AUP1: variants seen among roughly 807,000 people sequenced by gnomAD.
AUP1 encodes lipid droplet-regulating VLDL assembly factor AUP1.
Under a neutral mutation model 51.8 loss-of-function variants are expected in AUP1, and 30 were observed. That is an observed-to-expected ratio of 0.58 (90% CI 0.43 to 0.79). The LOEUF is 0.79. AUP1 is among the 30% of genes least tolerant of loss of function. The pLI is 0.00. For missense variants in AUP1, 492 were observed against 517.1 expected (o/e 0.95, Z 0.47); for synonymous variants, 227 against 209.0 (o/e 1.09, Z -0.74).
At position 74,529,649 on chromosome 2, in the gene AUP1, C is replaced by T. The variant is rs1331271509; in HGVS notation, c.-20G>A. 3.9e-6 allele frequency: 6 copies of T among 1,550,886 alleles called. No individual in the cohort carries two copies. The highest frequency in any genetic ancestry group is 5.2e-6 in the Non-Finnish European group (6 of 1,150,142). On this transcript the variant is annotated 5_prime_UTR_variant, in exon 1 of 12. Coordinates refer to ENST00000377526, the MANE Select transcript of AUP1 (RefSeq NM_181575.5). ...CTCCATAACTGCTGCTTCAGGAGCG[C>T]CCGGCCGTCGCCGCCGCCGCCATTT...
intron 8 of AUP1, 34 bp from the exon 9 acceptor site, chr2:74,527,624 C>G: frequency 6.3e-7 from 1 of 1,588,944 alleles, no homozygotes; most frequent in Admixed American, 1.9e-5. Context: ...AAAAGAAATT[C>G]TGGTAAGTAG....
chr2:74,528,944 C>G lies in AUP1; in HGVS notation c.340-9G>C, dbSNP rs1553393744. The G allele has an allele frequency of 1.2e-6, 2 of 1,613,108 alleles. No homozygotes were observed. Among genetic ancestry groups the G allele is most frequent in the East Asian group, 4.5e-5 (2 of 44,818 alleles). ...GGACTATTGAGTAGAGGCTGGGAAC[C>G]AGGAGAAGAGAAAGCAAGAAGAAAA... On this transcript the variant is annotated splice_polypyrimidine_tract_variant and intron_variant, in intron 3 of 11. Transcript: ENST00000377526.
Position 74,527,813 on chromosome 2 carries a change from G to A in AUP1, c.764C>T (p.Thr255Ile). 1 of 1,614,116 alleles carries A rather than the reference G, an allele frequency of 6.2e-7. No individual in the cohort carries two copies. ...GTCAGCTGGAGTGAGCCGTGTCCCT[G>A]TCTGGCCCAATTCCTTGGCCACCAG... The part of the protein sequence containing the change: ...QQLVAKELGQ[T>I]GTRLTPADKA... The change falls in exon 8 of 12, where the codon ACA becomes ATA. Residue 255 changes from threonine to isoleucine, a missense_variant. Thr to Ile is a moderately conservative substitution (Grantham distance 89, BLOSUM62 -1). Coordinates refer to ENST00000377526, the MANE Select transcript of AUP1 (RefSeq NM_181575.5).
chr2:74,526,875 G>C (rs181957383), intron 11 of AUP1, 39 bp from the exon 12 acceptor site: 1 of 1,602,798 alleles, frequency 6.2e-7, no homozygotes, highest in East Asian at 2.2e-5. Context: ...AGGCTTTGCC[G>C]TAGTAGCTCC....
intron 4 of AUP1, 107 bp from the exon 5 acceptor site, chr2:74,528,596 G>A (rs1013074327): frequency 2.2e-6 from 3 of 1,387,278 alleles, no homozygotes; most frequent in Non-Finnish European, 3.0e-6. Context: ...CATAATTGAA[G>A]AATGAAGGGA....
intron 10 of AUP1, 71 bp downstream of exon 10, chr2:74,527,177 G>C: frequency 6.3e-7 from 1 of 1,599,418 alleles, no homozygotes; most frequent in Non-Finnish European, 8.5e-7. Flanking sequence ...AGAAAGGTCA[G>C]GGATAAGGGA....
In AUP1 at chr2:74,527,359, C is replaced by G. The variant is rs928500985; in HGVS notation, c.966G>C (p.Lys322Asn). ...PLGVIQRDLAKTGCVDLTITN... is the reference protein window; with the variant it reads ...PLGVIQRDLANTGCVDLTITN... ...TGATAGTCAAGTCTACACAGCCAGTCTTGGCTGGGGAGAAAAGAGAAGGGA... is the reference window on the plus strand; with the variant it reads ...TGATAGTCAAGTCTACACAGCCAGTGTTGGCTGGGGAGAAAAGAGAAGGGA... Residue 322 changes from lysine to asparagine, a missense_variant, in exon 10 of 12, where the codon AAG (lysine) becomes AAC (asparagine). Physicochemically the swap from Lys to Asn is moderately conservative, Grantham distance 94. Transcript: ENST00000377526. The G allele has an allele frequency of 6.2e-7, 1 of 1,614,074 alleles. No individual in the cohort carries two copies. The highest frequency in any genetic ancestry group is 8.5e-7 in the Non-Finnish European group (1 of 1,179,966).
In AUP1 at chr2:74,527,601, A is replaced by G; in HGVS notation, c.842-11T>C. The G allele has an allele frequency of 6.3e-7, 1 of 1,588,506 alleles. No individual in the cohort carries two copies. Reference sequence around the variant, plus strand: ...GGAAAGAAGACTGGGCTGTGGAAAAAGGAAAAAAAGAAAAAAGAAATTCTG... The same window carrying G: ...GGAAAGAAGACTGGGCTGTGGAAAAGGGAAAAAAAGAAAAAAGAAATTCTG... On this transcript the variant is annotated splice_polypyrimidine_tract_variant and intron_variant, in intron 8 of 11. Coordinates refer to ENST00000377526, the MANE Select transcript of AUP1 (RefSeq NM_181575.5).
At chr2:74,528,204 G>A (rs1675291522) in intron 6 of AUP1, 44 bp downstream of exon 6, 2 of 1,574,764 alleles carry the variant, frequency 1.3e-6, no homozygotes, top group African/African-American at 2.7e-5. Context: ...TTGACCTTGA[G>A]GTGAGCCTCT....
At position 74,529,452 on chromosome 2, in the gene AUP1, G is replaced by A. The variant is rs1184549010; in HGVS notation, c.98C>T (p.Pro33Leu). ...CAGGACGAGGAGGCAGAACCCGACT[G>A]GCGCGTAGAGCAGCAGCACGAGCAG... ...FLLLVLLLYA[P>L]VGFCLLVLRL... Residue 33 changes from proline (P) to leucine (L), a missense_variant, in exon 2 of 12, where the codon CCA (proline) becomes CTA (leucine). Coordinates refer to ENST00000377526, the MANE Select transcript of AUP1 (RefSeq NM_181575.5). The A allele has an allele frequency of 6.4e-7, 1 of 1,566,858 alleles. No individual in the cohort carries two copies. The highest frequency in any genetic ancestry group is 1.4e-5 in the African/African-American group (1 of 73,860).
Position 74,527,887 on chromosome 2 carries a change from C to A in AUP1, c.739-49G>T, listed in dbSNP as rs767507069. 13 of 1,613,448 alleles carry A rather than the reference C, an allele frequency of 8.1e-6. No individual in the cohort carries two copies. In the Admixed American group the frequency reaches 1.3e-4, roughly 17 times the overall value. The stretch of plus-strand genomic sequence containing the variant: ...AGTGTCAAGATCTCAAGCTTTCCTC[C>A]CTCTCCTCCTAAGCAGGGACCCCGC... On this transcript the variant is annotated intron_variant, in intron 7 of 11. Transcript: ENST00000377526.
intron 6 of AUP1, 48 bp from the exon 7 acceptor site, chr2:74,528,054 G>A: frequency 6.2e-7 from 1 of 1,603,678 alleles, no homozygotes; most frequent in Non-Finnish European, 8.5e-7. Context: ...CAGGGTAGAG[G>A]CTGTCACCAT....
In AUP1 at chr2:74,529,121, C is replaced by T. The variant is rs749320680; in HGVS notation, c.339+11G>A. On this transcript the variant is annotated intron_variant, in intron 3 of 11. Transcript: ENST00000377526. ...CCGCCCCGTGGCGCTCTCGGCCTCG[C>T]TCTCACTCACGGTGCTACAGGTGGT... 1.2e-6 allele frequency: 2 copies of T among 1,614,096 alleles called. No individual in the cohort carries two copies. Among genetic ancestry groups the T allele is most frequent in the African/African-American group, 1.3e-5 (1 of 74,942 alleles).
At chr2:74,528,089 T>C (rs934773091) in intron 6 of AUP1, 83 bp from the exon 7 acceptor site, 6 of 1,537,740 alleles carry the variant, frequency 3.9e-6, no homozygotes, top group Non-Finnish European at 4.5e-6. Flanking sequence ...CCTCTTTGCA[T>C]GGTGGGTGGG....
At position 74,529,379 on chromosome 2, in the gene AUP1, T is replaced by C. The variant is rs1558608263; in HGVS notation, c.171A>G (p.Pro57=). 3 of 1,609,756 alleles carry C rather than the reference T, an allele frequency of 1.9e-6. No individual in the cohort carries two copies. Among genetic ancestry groups the C allele is most frequent in the Middle Eastern group, 1.7e-4 (1 of 6,058 alleles). ...IHVFLVSCAL[P]DSVLRRFVVR... is the part of the protein sequence containing the mutation. ...GTCGGAACCTGCGAAGGACGCTGTCTGGCAGCGCGCAGCTGACCAGGAAGA... is the reference window on the plus strand; with the variant it reads ...GTCGGAACCTGCGAAGGACGCTGTCCGGCAGCGCGCAGCTGACCAGGAAGA... Residue 57 remains proline (P), a synonymous_variant, in exon 2 of 12, where the codon CCA becomes CCG. Coordinates refer to ENST00000377526, the MANE Select transcript of AUP1 (RefSeq NM_181575.5).
rs762943096 is a variant in AUP1 at position 74,529,514 on chromosome 2, C to G, written c.51-15G>C. On this transcript the variant is annotated splice_polypyrimidine_tract_variant and intron_variant, in intron 1 of 11. Transcript: ENST00000377526. ...CACCCGGAAGCCTGGGGGCGAGAGG[C>G]GAAGTGGTCAGGCGCCGAAGGCCGA... The G allele has an allele frequency of 1.3e-5, 20 of 1,548,968 alleles. No homozygotes were observed. In the East Asian group the frequency reaches 4.8e-4, roughly 38 times the overall value.
chr2:74,529,050 G>A, intron 3 of AUP1, 82 bp downstream of exon 3: 2 of 1,608,282 alleles, frequency 1.2e-6, no homozygotes, highest in East Asian at 2.2e-5. Flanking sequence ...TCCTCCATGG[G>A]GAACGCGAGT....
chr2:74,528,599 T>C lies in AUP1; in HGVS notation c.525-110A>G, dbSNP rs1039194713. 7.2e-6 allele frequency: 10 copies of C among 1,391,762 alleles called. No individual in the cohort carries two copies. In the African/African-American group the frequency reaches 8.6e-5, roughly 12 times the overall value. The allele number at this position is 1,391,762 out of a possible 1,614,324, so 86.2% of individuals were successfully genotyped here. A position where few individuals can be genotyped will look rare whatever the true frequency, so the allele number is the denominator to read the frequency against. On this transcript the variant is annotated intron_variant, in intron 4 of 11. Coordinates refer to ENST00000377526, the MANE Select transcript of AUP1 (RefSeq NM_181575.5). ...ACTCTACAAGCACATAATTGAAGAA[T>C]GAAGGGATTCAGGAGAAAGAACTTA... is the stretch of plus-strand genomic sequence containing the variant.
rs1473333770 is a variant in AUP1, at chr2:74,526,965, T to G, written c.1172A>C (p.Gln391Pro). 1 of 1,614,066 alleles carries G rather than the reference T, an allele frequency of 6.2e-7. No homozygotes were observed. The highest frequency in any genetic ancestry group is 8.5e-7 in the Non-Finnish European group (1 of 1,180,050). Residue 391 changes from glutamine to proline, a missense_variant, in exon 11 of 12, where the codon CAA (glutamine) becomes CCA (proline). By Grantham distance (76) the Gln-to-Pro change is moderately conservative (BLOSUM62 -1). Transcript: ENST00000377526. The stretch of plus-strand genomic sequence containing the variant: ...CCTTCTTGCGTATTCATATAGTGCT[T>G]GCTTGCGCTCCTGCAGGCTCTCCTG... Reference protein sequence around the residue: ...ARQESLQERKQALYEYARRRF... With the variant: ...ARQESLQERKPALYEYARRRF...
Sources: gnomAD v4.1 joint callset for allele counts on GRCh38, gnomAD v4.1.1 for gene constraint, MANE v1.5 for transcripts, NCBI Gene and HGNC (gene_info 2026-07-23, HGNC 2026-07-21) for gene names.